Variants in NMT1 observed in about 807,000 individuals in gnomAD.
NMT1 encodes glycylpeptide N-tetradecanoyltransferase 1.
NMT1 carries 12 observed loss-of-function variants against 63.4 expected under a neutral mutation model. The observed-to-expected ratio is 0.19, with a 90% CI of 0.12 to 0.31. The LOEUF (loss-of-function observed/expected upper bound fraction) is 0.31. Among genes scored for constraint, NMT1 ranks in the 10% least tolerant of loss-of-function variants. The pLI, the probability that NMT1 is intolerant of heterozygous loss-of-function variation, is 1.00. For missense variants in NMT1, 432 were observed against 634.6 expected, an observed-to-expected ratio of 0.68 and a Z score of 3.43; for synonymous variants, 228 against 234.3, an observed-to-expected ratio of 0.97 and a Z score of 0.25.
Position 45,099,474 on chromosome 17 carries a change from G to A in NMT1, c.954G>A (p.Met318Ile). The change falls in exon 8 of 12, where the codon ATG becomes ATA. Residue 318 changes from methionine to isoleucine, a missense_variant. Transcript: ENST00000258960. ...AGTTCTCCCACCTGAGCAGAAATAT[G>A]ACCATGCAGCGCACCATGAAGCTCT... ...EVKFSHLSRN[M>I]TMQRTMKLYR... The A allele has an allele frequency of 6.2e-7, 1 of 1,614,148 alleles. No individual in the cohort carries two copies. Among genetic ancestry groups the A allele is most frequent in the Non-Finnish European group, 8.5e-7 (1 of 1,180,006 alleles).
intron 3 of NMT1, among the ~76,000 whole-genome samples, chr17:45,092,236 T>G (rs570253673): frequency 2.6e-4 from 39 of 152,272 alleles, no homozygotes; most frequent in African/African-American, 9.4e-4. Flanking sequence ...TGGTCCTTTT[T>G]CCTGCTGTAC....
intron 1 of NMT1, among the ~76,000 whole-genome samples, chr17:45,068,089 C>G (rs2053914324): frequency 6.6e-6 from 1 of 152,188 alleles, no homozygotes; most frequent in African/African-American, 2.4e-5. Context: ...GGCCTCTCTT[C>G]CAATTCCTCA....
intron 8 of NMT1, 59 bp downstream of exon 8, chr17:45,099,572 G>A: frequency 1.6e-6 from 2 of 1,243,160 alleles, no homozygotes; most frequent in South Asian, 1.2e-5. Context: ...GAGCCTGGCT[G>A]TCAGCAGGAG....
chr17:45,097,046 G>A (rs2054129058), intron 5 of NMT1, 82 bp from the exon 6 acceptor site: 6 of 1,121,208 alleles, frequency 5.4e-6, no homozygotes, highest in East Asian at 2.4e-5. Flanking sequence ...CACCAGGTCC[G>A]AACCAAATTT....
chr17:45,068,098 C>G (rs2053914517), intron 1 of NMT1, among the ~76,000 whole-genome samples: 1 of 152,158 alleles, frequency 6.6e-6, no homozygotes. Context: ...TCCAATTCCT[C>G]AAAGAAGATG....
intron 1 of NMT1, 74 bp from the exon 2 acceptor site, chr17:45,081,570 G>T: frequency 4.6e-6 from 6 of 1,315,414 alleles, no homozygotes; most frequent in Non-Finnish European, 6.4e-6. Flanking sequence ...TGGCTCCACA[G>T]AAAGCTCTTT....
chr17:45,087,326 A>G (rs939961953), intron 3 of NMT1, among the ~76,000 whole-genome samples: 1 of 152,222 alleles, frequency 6.6e-6, no homozygotes, highest in East Asian at 1.9e-4. Flanking sequence ...CAAAGTCCCC[A>G]GCCTCTTCCC....
At chr17:45,069,944 A>G (rs948296880) in intron 1 of NMT1, among the ~76,000 whole-genome samples, 4 of 152,070 alleles carry the variant, frequency 2.6e-5, no homozygotes, top group African/African-American at 4.8e-5. Flanking sequence ...ACTGCTCAAC[A>G]TATTCTTGAT....
chr17:45,080,614 G>A (rs35590381), intron 1 of NMT1, among the ~76,000 whole-genome samples: 20,878 of 145,220 alleles, frequency 0.14, 1,787 homozygotes, highest in East Asian at 0.29. Flanking sequence ...GACTACAGGC[G>A]CCCGCCACCG....
chr17:45,079,342 T>C (rs565174619), intron 1 of NMT1, among the ~76,000 whole-genome samples: 1 of 152,256 alleles, frequency 6.6e-6, no homozygotes, highest in South Asian at 2.1e-4. Flanking sequence ...GACCTCATGA[T>C]CTGTCTGCCG....
At chr17:45,097,267 A>C (rs1163355442) in intron 6 of NMT1, 23 bp downstream of exon 6, 2 of 1,491,992 alleles carry the variant, frequency 1.3e-6, no homozygotes, top group Non-Finnish European at 9.3e-7. Flanking sequence ...ACCTACCCCC[A>C]CCCCCCACAA....
At chr17:45,076,835 T>C (rs2053980713) in intron 1 of NMT1, among the ~76,000 whole-genome samples, 1 of 152,104 alleles carries the variant, frequency 6.6e-6, no homozygotes, top group Non-Finnish European at 1.5e-5. Context: ...GGATTTTTGC[T>C]CAGTAACTGG....
intron 1 of NMT1, among the ~76,000 whole-genome samples, chr17:45,069,245 C>T (rs1271895132): frequency 1.3e-5 from 2 of 150,812 alleles, no homozygotes; most frequent in African/African-American, 4.9e-5. Context: ...AGGCGTGAGC[C>T]ACCATGCCTG....
Position 45,105,724 on chromosome 17 carries a change from A to T in NMT1, c.*85A>T. 1 of 1,361,800 alleles carries T rather than the reference A, an allele frequency of 7.3e-7. No homozygotes were observed. Among genetic ancestry groups the T allele is most frequent in the Non-Finnish European group, 1.0e-6 (1 of 959,836 alleles). The allele number at this position is 1,361,800 out of a possible 1,614,324, so 84.4% of individuals were successfully genotyped here. A position where few individuals can be genotyped will look rare whatever the true frequency, so the allele number is the denominator to read the frequency against. ...CCACCACTGTTGGTCCAATTTTCACACACGTGAGAATCCCTGGCAAAGGGA... is the reference window on the plus strand; with the variant it reads ...CCACCACTGTTGGTCCAATTTTCACTCACGTGAGAATCCCTGGCAAAGGGA... On this transcript the variant is annotated 3_prime_UTR_variant, in exon 12 of 12. Coordinates refer to ENST00000258960, the MANE Select transcript of NMT1 (RefSeq NM_021079.5). This position sits in a 1 kb window ranked among gnomAD's most constrained non-coding sequence, Gnocchi z 4.2.
Position 45,104,266 on chromosome 17 carries a change from G to A in NMT1, c.1332+390G>A. ...TCCAACTGCCAGTAGCGGATGGCGA[G>A]CCCGTCTGTCAGTGCTTTGCTGTGG... On this transcript the variant is annotated intron_variant, in intron 10 of 11. Coordinates refer to ENST00000258960, the MANE Select transcript of NMT1 (RefSeq NM_021079.5). This position sits in a 1 kb window ranked among gnomAD's most constrained non-coding sequence, Gnocchi z 4.2. 8.4e-7 allele frequency: 1 copy of A among 1,192,268 alleles called. No individual in the cohort carries two copies. The highest frequency in any genetic ancestry group is 1.1e-6 in the Non-Finnish European group (1 of 947,646). 73.9% of individuals were successfully genotyped at this position (1,192,268 alleles called of 1,614,324 possible).
chr17:45,095,495 T>C (rs1295605205), intron 4 of NMT1, among the ~76,000 whole-genome samples: 2 of 152,138 alleles, frequency 1.3e-5, no homozygotes, highest in Admixed American at 6.5e-5. Flanking sequence ...GTGTGGTGGC[T>C]CACACCTGTA....
rs1598022072 is a variant in NMT1, at chr17:45,105,826, A to C, written c.*187A>C. The stretch of plus-strand genomic sequence containing the variant: ...GCGATGGCGTGGGCTGCGTGACGTC[A>C]CCTCCGGTCGTGTCTCTGGTCTCCG... On this transcript the variant is annotated 3_prime_UTR_variant, in exon 12 of 12. Transcript: ENST00000258960. The surrounding 1 kb of genome is among the most constrained non-coding windows in gnomAD (Gnocchi z 4.2). 1 of 572,000 alleles carries C rather than the reference A, an allele frequency of 1.7e-6. No individual in the cohort carries two copies. The highest frequency in any genetic ancestry group is 3.0e-6 in the Non-Finnish European group (1 of 328,396). The allele number at this position is 572,000 out of a possible 1,614,324, so 35.4% of individuals were successfully genotyped here. A position where few individuals can be genotyped will look rare whatever the true frequency, so the allele number is the denominator to read the frequency against.
intron 4 of NMT1, among the ~76,000 whole-genome samples, chr17:45,095,507 T>C (rs1298460261): frequency 6.6e-6 from 1 of 152,134 alleles, no homozygotes; most frequent in Admixed American, 6.5e-5. Context: ...ACACCTGTAA[T>C]TCCAACAATT....
At position 45,103,035 on chromosome 17, in the gene NMT1, T is replaced by C; in HGVS notation, c.1078T>C (p.Phe360Leu). Residue 360 changes from phenylalanine to leucine, a missense_variant, in exon 9 of 12, where the codon TTT (phenylalanine) becomes CTT (leucine). This residue lies in a region of NMT1 where 295 missense variants were observed against 489.7 expected (regional missense o/e 0.60). Coordinates refer to ENST00000258960, the MANE Select transcript of NMT1 (RefSeq NM_021079.5). The surrounding 1 kb of genome is among the most constrained non-coding windows in gnomAD (Gnocchi z 4.8). Reference protein sequence around the residue: ...HQLLTRYLKQFHLTPVMSQEE... With the variant: ...HQLLTRYLKQLHLTPVMSQEE... The stretch of plus-strand genomic sequence containing the variant: ...GCTCCTCACCAGGTACTTGAAGCAA[T>C]TTCACCTTACGCCCGTCATGAGCCA... The C allele has an allele frequency of 6.2e-7, 1 of 1,613,992 alleles. No homozygotes were observed. Among genetic ancestry groups the C allele is most frequent in the Non-Finnish European group, 8.5e-7 (1 of 1,179,940 alleles).
Sources: gnomAD v4.1 joint callset for allele counts (sites outside exome capture counted in the v4.1 genomes callset) on GRCh38, gnomAD v4.1.1 for gene constraint, gnomAD v4.1.1 regional missense constraint, Gnocchi (gnomAD v3.1) non-coding constraint, MANE v1.5 for transcripts, NCBI Gene and HGNC (gene_info 2026-07-23, HGNC 2026-07-21) for gene names.